Variants in MIA2 observed in about 807,000 individuals in gnomAD.
MIA2 encodes melanoma inhibitory activity protein 2.
In MIA2, 127 loss-of-function variants were observed where a neutral mutation model predicts 167.8. That is an observed-to-expected ratio of 0.76 (90% CI 0.66 to 0.88). The LOEUF is 0.88. Among genes scored for constraint, MIA2 ranks in the 40% least tolerant of loss-of-function variants. The pLI is 0.00. For synonymous variants in MIA2, 552 were observed against 541.9 expected (o/e 1.02, Z -0.26); for missense variants, 1,690 against 1,624.7 (o/e 1.04, Z -0.69).
chr14:39,326,733 A>G lies in MIA2; in HGVS notation c.3497-131A>G, dbSNP rs1050325724. On this transcript the variant is annotated intron_variant, in intron 24 of 28. Coordinates refer to ENST00000640607, the MANE Select transcript of MIA2 (RefSeq NM_001329214.4). Reference sequence around the variant, plus strand: ...TCAGGCATAGGAATCATAGCAATTTACTTTCTACACTGTTATTTTTCAGAC... The same window carrying G: ...TCAGGCATAGGAATCATAGCAATTTGCTTTCTACACTGTTATTTTTCAGAC... 4.7e-6 allele frequency: 3 copies of G among 634,312 alleles called. No homozygotes were observed. The Admixed American group carries it at 1.3e-4, about 27-fold the overall frequency. 39.3% of individuals were successfully genotyped at this position (634,312 alleles called of 1,614,324 possible). A position where few individuals can be genotyped will look rare whatever the true frequency, so the allele number is the denominator to read the frequency against.
chr14:39,382,809 AAG>A (rs2075193474), intron 23 of MIA2, among the ~76,000 whole-genome samples: 1 of 152,116 alleles, frequency 6.6e-6, no homozygotes, highest in African/African-American at 2.4e-5. Flanking sequence ...TCACACTCAT[AAG>A]AGATGTCTAG....
chr14:39,262,315 CG>C (rs1280329905), intron 6 of MIA2, among the ~76,000 whole-genome samples: 1 of 152,134 alleles, frequency 6.6e-6, no homozygotes, highest in Non-Finnish European at 1.5e-5. Flanking sequence ...TGTCAAAGAT[CG>C]GATGGTTGTA....
rs757829732 is a variant in MIA2 at position 39,247,725 on chromosome 14, T to C, written c.1151T>C (p.Ile384Thr). The change falls in exon 4 of 29, where the codon ATA becomes ACA. Residue 384 changes from isoleucine to threonine, a missense_variant. Coordinates refer to ENST00000640607, the MANE Select transcript of MIA2 (RefSeq NM_001329214.4). ...AGTTGGTTTGATTTTGGTTTTGCTA[T>C]ACTAGGCTTTGCATATGCCAAGGAA... ...KPSWFDFGFA[I>T]LGFAYAKEDK... 3.7e-6 allele frequency: 6 copies of C among 1,612,944 alleles called. No homozygotes were observed. The highest frequency in any genetic ancestry group is 3.3e-5 in the South Asian group (3 of 90,658).
intron 18 of MIA2, among the ~76,000 whole-genome samples, chr14:39,312,138 A>G (rs1042493038): frequency 1.3e-5 from 2 of 152,120 alleles, no homozygotes; most frequent in Admixed American, 6.6e-5. Flanking sequence ...AAGATATGAT[A>G]TTTTTAAGTC....
In MIA2 at chr14:39,265,521, G is replaced by A. The variant is rs915713872; in HGVS notation, c.1888-11413G>A. The A allele has an allele frequency of 4.6e-6, 4 of 874,794 alleles. No individual in the cohort carries two copies. The East Asian group carries it at 1.1e-4, about 24-fold the overall frequency. 54.2% of individuals were successfully genotyped at this position (874,794 alleles called of 1,614,324 possible). A position where few individuals can be genotyped will look rare whatever the true frequency, so the allele number is the denominator to read the frequency against. ...GTGTTTTTGCTATGGGGGGAACTTG[G>A]ATTTTTCTTTTTTTTTCATTTTATC... On this transcript the variant is annotated intron_variant, in intron 6 of 28. Transcript: ENST00000640607.
chr14:39,344,737 C>T (rs552966809), intron 25 of MIA2, among the ~76,000 whole-genome samples: 21 of 152,258 alleles, frequency 1.4e-4, no homozygotes, highest in African/African-American at 5.1e-4. Context: ...TTACACAATT[C>T]ACCTTCTTTG....
chr14:39,277,093 A>G, intron 7 of MIA2, 28 bp downstream of exon 7: 1 of 1,592,530 alleles, frequency 6.3e-7, no homozygotes, highest in South Asian at 1.1e-5. Flanking sequence ...TACTAAGAGA[A>G]TGTTCATTTT....
At chr14:39,288,428 T>TATAC in intron 9 of MIA2, among the ~76,000 whole-genome samples, 1 of 91,872 alleles carries the variant, frequency 1.1e-5, no homozygotes, top group African/African-American at 4.4e-5. Flanking sequence ...GTGTATATAT[T>TATAC]ATACATATAT....
intron 23 of MIA2, among the ~76,000 whole-genome samples, chr14:39,360,772 A>G (rs1051434382): frequency 2.6e-5 from 4 of 152,116 alleles, no homozygotes; most frequent in Admixed American, 6.5e-5. Context: ...ATTTTCTTCT[A>G]GTAGTTTTAT....
intron 6 of MIA2, chr14:39,267,579 G>C: frequency 6.3e-7 from 1 of 1,597,184 alleles, no homozygotes; most frequent in South Asian, 1.1e-5. Context: ...GCCGCCGGGG[G>C]AAGGAAGCAG....
At chr14:39,359,871 C>G (rs1235917544) in intron 23 of MIA2, among the ~76,000 whole-genome samples, 2 of 152,086 alleles carry the variant, frequency 1.3e-5, no homozygotes, top group African/African-American at 4.8e-5. Context: ...CAGGATCATA[C>G]AGTAGTTCTA....
chr14:39,279,396 T>G (rs781035258), intron 8 of MIA2, 38 bp downstream of exon 8: 1 of 1,605,698 alleles, frequency 6.2e-7, no homozygotes, highest in East Asian at 2.2e-5. Context: ...CATTGTTGTG[T>G]TGTAAAAACT....
chr14:39,314,808 A>ATGTGTGTCTGTGTGTGTG lies in MIA2; in HGVS notation c.3180+10_3180+11insGTGTGTCTGTGTGTGTGT. On this transcript the variant is annotated intron_variant, in intron 20 of 28. Transcript: ENST00000640607. ...ATTCTTATCAAGGGCAGGTATATAT[A>ATGTGTGTCTGTGTGTGTG]TATGTGTGTGTGTGTGTGTGTGTGT... The ATGTGTGTCTGTGTGTGTG allele has an allele frequency of 9.1e-7, 1 of 1,093,612 alleles. No individual in the cohort carries two copies. The highest frequency in any genetic ancestry group is 1.3e-6 in the Non-Finnish European group (1 of 767,334). The allele number at this position is 1,093,612 out of a possible 1,614,324, so 67.7% of individuals were successfully genotyped here.
intron 24 of MIA2, 22 bp downstream of exon 24, chr14:39,321,078 A>T: frequency 6.3e-7 from 1 of 1,586,748 alleles, no homozygotes; most frequent in Non-Finnish European, 8.5e-7. Context: ...AAACATCTTT[A>T]TTACTCTAGA....
chr14:39,261,489 C>T (rs2055113423), intron 6 of MIA2, among the ~76,000 whole-genome samples: 1 of 152,106 alleles, frequency 6.6e-6, no homozygotes, highest in Non-Finnish European at 1.5e-5. Context: ...ATTTATAATC[C>T]TTTGGGTATA....
chr14:39,378,753 TC>T (rs923692520), intron 23 of MIA2, among the ~76,000 whole-genome samples: 2 of 152,196 alleles, frequency 1.3e-5, no homozygotes, highest in African/African-American at 4.8e-5. Flanking sequence ...TGACAATACT[TC>T]CTGTATGAAT....
chr14:39,234,404 G>A (rs999556698), intron 1 of MIA2, among the ~76,000 whole-genome samples, 175 bp downstream of exon 1: 5 of 152,116 alleles, frequency 3.3e-5, no homozygotes, highest in Non-Finnish European at 4.4e-5. Context: ...TTTTGTGGTA[G>A]TATTTAATAC....
chr14:39,317,564 G>C (rs2065709030), intron 21 of MIA2, among the ~76,000 whole-genome samples: 1 of 152,026 alleles, frequency 6.6e-6, no homozygotes, highest in Non-Finnish European at 1.5e-5. Flanking sequence ...TTGAGGGTAG[G>C]GGGATAATAA....
intron 9 of MIA2, among the ~76,000 whole-genome samples, chr14:39,283,041 G>T (rs992228411): frequency 6.6e-6 from 1 of 152,034 alleles, no homozygotes; most frequent in Non-Finnish European, 1.5e-5. Context: ...TGTCTTCTAG[G>T]TCCGTCCATG....
Sources: gnomAD v4.1 joint callset for allele counts (sites outside exome capture counted in the v4.1 genomes callset) on GRCh38, gnomAD v4.1.1 for gene constraint, MANE v1.5 for transcripts, NCBI Gene and HGNC (gene_info 2026-07-23, HGNC 2026-07-21) for gene names.